Variants in DLGAP2 observed in about 807,000 individuals in gnomAD.
DLGAP2 encodes the protein DLG associated protein 2.
In DLGAP2, 26 loss-of-function variants were observed where a neutral mutation model predicts 100.3. The ratio of observed to expected loss-of-function variants is 0.26; its 90% CI spans 0.19 to 0.36. The LOEUF (loss-of-function observed/expected upper bound fraction) is 0.36, where lower values mean the gene tolerates loss of function less well. Among genes scored for constraint, DLGAP2 ranks in the 10% least tolerant of loss-of-function variants. The probability of loss-of-function intolerance (pLI) is 1.00; values close to 1 mark genes in which losing one functional copy is unlikely to be tolerated. For synonymous variants in DLGAP2, 886 were observed against 630.1 expected, an observed-to-expected ratio of 1.41 and a Z score of -6.08; for missense variants, 1,858 against 1,453.2, an observed-to-expected ratio of 1.28 and a Z score of -4.53.
intron 3 of DLGAP2, among the ~76,000 whole-genome samples, chr8:1,424,470 A>C (rs1385814544): frequency 1.3e-5 from 2 of 152,254 alleles, no homozygotes; most frequent in Non-Finnish European, 2.9e-5. Context: ...ATAGCTGCCC[A>C]ATGGAATGTT....
intron 6 of DLGAP2, among the ~76,000 whole-genome samples, chr8:1,595,673 C>G: frequency 1.0e-5 from 1 of 98,508 alleles, no homozygotes; most frequent in South Asian, 3.9e-4. Context: ...GACTCCGTCT[C>G]AAAAAAAAAA....
intron 3 of DLGAP2, among the ~76,000 whole-genome samples, chr8:1,370,625 C>T (rs548284604): frequency 3.3e-5 from 5 of 152,314 alleles, no homozygotes; most frequent in Admixed American, 1.3e-4. Flanking sequence ...ACAGGGAGCA[C>T]GGGGAGCTGT....
rs1366138215 is a variant in DLGAP2, at chr8:1,392,964, G to C, written c.107-108402G>C. 3.9e-5 allele frequency among the ~76,000 whole-genome samples: 4 copies of C among 103,022 alleles called. No individual in the cohort carries two copies. The East Asian group carries it at 1.1e-3, about 29-fold the overall frequency. 67.6% of individuals were successfully genotyped at this position (103,022 alleles called of 152,430 possible). A position where few individuals can be genotyped will look rare whatever the true frequency, so the allele number is the denominator to read the frequency against. On this transcript the variant is annotated intron_variant, in intron 3 of 14. Transcript: ENST00000637795. ...CCCCAAATGGAGACAGATCAGTTTT[G>C]CTCTAAATGTGAATCCGAGGCCTCA...
At chr8:1,494,651 C>A (rs577573722) in intron 3 of DLGAP2, among the ~76,000 whole-genome samples, 176 of 152,188 alleles carry the variant, frequency 1.2e-3, no homozygotes, top group African/African-American at 4.0e-3. Context: ...TTGCTTGATC[C>A]CGGGAGGTGG....
At chr8:1,418,232 A>G (rs1796987054) in intron 3 of DLGAP2, among the ~76,000 whole-genome samples, 2 of 152,262 alleles carry the variant, frequency 1.3e-5, no homozygotes, top group African/African-American at 4.8e-5. Context: ...ACTACTGAAC[A>G]TTTAAGAAAT....
At chr8:1,185,510 T>G (rs544254980) in intron 2 of DLGAP2, among the ~76,000 whole-genome samples, 1 of 152,268 alleles carries the variant, frequency 6.6e-6, no homozygotes, top group Non-Finnish European at 1.5e-5. Flanking sequence ...TGGGGTTGTT[T>G]GATCAAGCTC....
intron 6 of DLGAP2, among the ~76,000 whole-genome samples, chr8:1,624,845 TTC>T (rs372888355): frequency 1.3e-3 from 161 of 125,230 alleles, no homozygotes; most frequent in Non-Finnish European, 1.1e-3. Context: ...TCCCTTTGCT[TTC>T]TCTCTCTCTC....
intron 8 of DLGAP2, among the ~76,000 whole-genome samples, chr8:1,666,594 C>T (rs750804467): frequency 6.6e-6 from 1 of 151,814 alleles, no homozygotes; most frequent in Non-Finnish European, 1.5e-5. Context: ...GCAGGAGAAT[C>T]GCTTGAACAC....
At chr8:1,376,333 C>T (rs1003218554) in intron 3 of DLGAP2, among the ~76,000 whole-genome samples, 3 of 152,258 alleles carry the variant, frequency 2.0e-5, no homozygotes, top group African/African-American at 4.8e-5. Context: ...CAGCCAGCTC[C>T]TGTGCACCGC....
At chr8:1,565,580 G>A in intron 5 of DLGAP2, 103 bp from the exon 6 acceptor site, 4 of 822,578 alleles carry the variant, frequency 4.9e-6, no homozygotes, top group East Asian at 5.4e-5. Context: ...CTGTAAAGAG[G>A]TGTATCTTTA....
chr8:958,034 C>A (rs1213537600), intron 2 of DLGAP2, among the ~76,000 whole-genome samples: 1 of 152,150 alleles, frequency 6.6e-6, no homozygotes, highest in Non-Finnish European at 1.5e-5. Context: ...TAAACAGCAG[C>A]CCTCGCTAAC....
At chr8:788,258 G>C (rs1821929374) in intron 1 of DLGAP2, among the ~76,000 whole-genome samples, 1 of 152,256 alleles carries the variant, frequency 6.6e-6, no homozygotes, top group Admixed American at 6.5e-5. Context: ...CCAAATGGCT[G>C]TTTCTGGGGC....
chr8:872,263 G>T (rs998038031), intron 1 of DLGAP2, among the ~76,000 whole-genome samples: 2 of 150,882 alleles, frequency 1.3e-5, no homozygotes, highest in Non-Finnish European at 3.0e-5. Context: ...CAGATGAAAA[G>T]ATGCTGCACT....
chr8:978,035 T>C (rs76262963), intron 2 of DLGAP2, among the ~76,000 whole-genome samples: 7 of 23,150 alleles, frequency 3.0e-4, no homozygotes, highest in African/African-American at 1.1e-3. Context: ...TCTTTGGTGT[T>C]GTGGGGAGGG....
chr8:1,522,797 C>G (rs1800653175), intron 4 of DLGAP2, among the ~76,000 whole-genome samples: 1 of 152,128 alleles, frequency 6.6e-6, no homozygotes, highest in African/African-American at 2.4e-5. Context: ...GGTTAATTAG[C>G]AAACAACAGC....
rs1409320383 is a variant in DLGAP2, at chr8:1,303,574, A to T, written c.106+44691A>T. ...TTAGGTTTAATGCGTTATTTATTTTATTTTTAAAGGTGTAACTCTCTCTTA... is the reference window on the plus strand; with the variant it reads ...TTAGGTTTAATGCGTTATTTATTTTTTTTTTAAAGGTGTAACTCTCTCTTA... On this transcript the variant is annotated intron_variant, in intron 3 of 14. Transcript: ENST00000637795. Among the ~76,000 whole-genome samples the T allele has an allele frequency of 2.0e-5, 3 of 151,978 alleles. No individual in the cohort carries two copies. The East Asian group carries it at 5.8e-4, about 29-fold the overall frequency.
intron 1 of DLGAP2, among the ~76,000 whole-genome samples, chr8:768,218 C>G (rs1343776010): frequency 1.3e-5 from 2 of 152,138 alleles, no homozygotes; most frequent in Non-Finnish European, 2.9e-5. Context: ...CTGCCACATG[C>G]TGGTCAGACA....
chr8:1,130,643 G>T (rs1796272397), intron 2 of DLGAP2, among the ~76,000 whole-genome samples: 1 of 152,252 alleles, frequency 6.6e-6, no homozygotes, highest in African/African-American at 2.4e-5. Flanking sequence ...GCGTGGCACG[G>T]ACCAGAGGCT....
At chr8:1,644,273 G>T (rs977130267) in intron 8 of DLGAP2, among the ~76,000 whole-genome samples, 5 of 152,178 alleles carry the variant, frequency 3.3e-5, no homozygotes, top group African/African-American at 1.2e-4. Context: ...AAGCCCGCCC[G>T]ACCAAGAGCC....
Sources: gnomAD v4.1 joint callset for allele counts (sites outside exome capture counted in the v4.1 genomes callset) on GRCh38, gnomAD v4.1.1 for gene constraint, MANE v1.5 for transcripts, NCBI Gene and HGNC (gene_info 2026-07-23, HGNC 2026-07-21) for gene names.